The following NOL4L variants were observed in gnomAD, a reference collection of about 807,000 sequenced individuals.
NOL4L encodes the protein nucleolar protein 4 like.
In NOL4L, 7 loss-of-function variants were observed where a neutral mutation model predicts 64.5. That is an observed-to-expected ratio of 0.11 (90% CI 0.06 to 0.20). The LOEUF is 0.20. NOL4L is among the 10% of genes least tolerant of loss of function. NOL4L has a pLI of 1.00. For missense variants in NOL4L, 680 were observed against 967.1 expected, an observed-to-expected ratio of 0.70 and a Z score of 3.94; for synonymous variants, 413 against 401.0, an observed-to-expected ratio of 1.03 and a Z score of -0.36.
At position 32,453,272 on chromosome 20, in the gene NOL4L, G is replaced by A. The variant is rs774385500; in HGVS notation, c.1497+32C>T. On this transcript the variant is annotated intron_variant, in intron 8 of 10. Transcript: ENST00000621426. This position sits in a 1 kb window ranked among gnomAD's most constrained non-coding sequence, Gnocchi z 5.6. The stretch of plus-strand genomic sequence containing the variant: ...GGCAGGAGGTCAGTAGTGGCACCGA[G>A]GGAAAGTGTGGGCCAGGCAGGGGGG... 8.7e-6 allele frequency: 14 copies of A among 1,603,050 alleles called. No individual in the cohort carries two copies. In the African/African-American group the frequency reaches 1.9e-4, roughly 21 times the overall value.
At position 32,485,855 on chromosome 20, in the gene NOL4L, A is replaced by T. The variant is rs1289182832; in HGVS notation, c.700-11113T>A. The T allele has an allele frequency of 6.8e-6, 3 of 442,972 alleles. No individual in the cohort carries two copies. In the East Asian group the frequency reaches 2.2e-4, roughly 32 times the overall value. The allele number at this position is 442,972 out of a possible 1,614,324, so 27.4% of individuals were successfully genotyped here. A position where few individuals can be genotyped will look rare whatever the true frequency, so the allele number is the denominator to read the frequency against. Reference sequence around the variant, plus strand: ...TTCTCCTGGCCTGAATTACTATTTCACAGCAGTGGTGGACATCTGAGCTTG... The same window carrying T: ...TTCTCCTGGCCTGAATTACTATTTCTCAGCAGTGGTGGACATCTGAGCTTG... On this transcript the variant is annotated intron_variant, in intron 4 of 10. Transcript: ENST00000621426.
intron 4 of NOL4L, among the ~76,000 whole-genome samples, chr20:32,499,385 G>A (rs293555): frequency 0.19 from 29,281 of 151,940 alleles, 5,462 homozygotes; most frequent in African/African-American, 0.49. Flanking sequence ...CAGATCAGTG[G>A]TGCTGCTGCA....
chr20:32,483,443 A>AGCTGCT lies in NOL4L; in HGVS notation c.700-8707_700-8702dup, dbSNP rs911879376. On this transcript the variant is annotated intron_variant, in intron 4 of 10. Coordinates refer to ENST00000621426, the MANE Select transcript of NOL4L (RefSeq NM_001256798.2). ...GCGGCGGTGACAGCCCCACAGCTCC[A>AGCTGCT]GCTGCTGCTGCTGCTGCTGCCGCCG... is the stretch of plus-strand genomic sequence containing the variant. 6.3e-5 allele frequency: 62 copies of AGCTGCT among 990,618 alleles called. 1 individual carries two copies. In the East Asian group the frequency reaches 2.3e-3, roughly 37 times the overall value. The allele number at this position is 990,618 out of a possible 1,614,324, so 61.4% of individuals were successfully genotyped here.
At chr20:32,521,995 T>C (rs1005329163) in intron 2 of NOL4L, among the ~76,000 whole-genome samples, 3 of 152,264 alleles carry the variant, frequency 2.0e-5, no homozygotes, top group African/African-American at 7.2e-5. Context: ...TGGCCCCGCC[T>C]TCCCACAGCA....
intron 4 of NOL4L, chr20:32,483,381 G>C: frequency 1.0e-6 from 1 of 985,016 alleles, no homozygotes; most frequent in Non-Finnish European, 1.2e-6. Context: ...AAGCGAGGCG[G>C]AGATGGGCGG....
intron 1 of NOL4L, among the ~76,000 whole-genome samples, chr20:32,576,533 G>A (rs1375198547): frequency 2.0e-5 from 3 of 152,288 alleles, no homozygotes; most frequent in Admixed American, 6.5e-5. Context: ...CTCACACTCA[G>A]CTCTGGAGCT....
intron 1 of NOL4L, among the ~76,000 whole-genome samples, chr20:32,542,222 A>G (rs1375710064): frequency 6.6e-6 from 1 of 152,238 alleles, no homozygotes; most frequent in Non-Finnish European, 1.5e-5. Flanking sequence ...CGGGGGCACC[A>G]AGACAATGAG....
In NOL4L at chr20:32,511,338, C is replaced by A; in HGVS notation, c.699+9G>T. 1.3e-6 allele frequency: 2 copies of A among 1,540,930 alleles called. No homozygotes were observed. The highest frequency in any genetic ancestry group is 1.8e-6 in the Non-Finnish European group (2 of 1,138,912). On this transcript the variant is annotated intron_variant, in intron 4 of 10. Coordinates refer to ENST00000621426, the MANE Select transcript of NOL4L (RefSeq NM_001256798.2). ...CTCCAGGTGGGGTGAGGGGAGACGG[C>A]CGCCTTACCTGCTCCTGGGAATTCA...
At chr20:32,573,257 T>C (rs1019338763) in intron 1 of NOL4L, among the ~76,000 whole-genome samples, 4 of 152,106 alleles carry the variant, frequency 2.6e-5, no homozygotes, top group Admixed American at 2.6e-4. Flanking sequence ...GCTCAAGTAA[T>C]CCTCACACTT....
rs111799140 is a variant in NOL4L at position 32,490,104 on chromosome 20, G to C, written c.700-15362C>G. Among the ~76,000 whole-genome samples the C allele has an allele frequency of 7.8e-3, 1,002 of 128,700 alleles. 20 individuals are homozygous for C. The highest frequency in any genetic ancestry group is 0.028 in the African/African-American group (940 of 33,812). 84.4% of individuals were successfully genotyped at this position (128,700 alleles called of 152,430 possible). On this transcript the variant is annotated intron_variant, in intron 4 of 10. Coordinates refer to ENST00000621426, the MANE Select transcript of NOL4L (RefSeq NM_001256798.2). ...GGATCATGCCACTGCACTCCAGCCT[G>C]GGTGACAGAGAGAGACTCCATCTCA...
chr20:32,546,445 A>G (rs531238056), intron 1 of NOL4L, among the ~76,000 whole-genome samples: 91 of 151,358 alleles, frequency 6.0e-4, no homozygotes, highest in Admixed American at 2.7e-3. Context: ...CCATGTTTTT[A>G]TTTATTTATT....
chr20:32,581,196 C>T (rs1224535447), intron 1 of NOL4L, among the ~76,000 whole-genome samples: 1 of 152,202 alleles, frequency 6.6e-6, no homozygotes, highest in Non-Finnish European at 1.5e-5. Context: ...CTTCTACTTC[C>T]TGTGACAACC....
chr20:32,526,364 G>A (rs570835619), intron 2 of NOL4L, among the ~76,000 whole-genome samples: 3 of 152,206 alleles, frequency 2.0e-5, no homozygotes, highest in East Asian at 1.9e-4. Flanking sequence ...CAGGAGGGGC[G>A]GGGAGACCAT....
chr20:32,557,951 G>A, intron 1 of NOL4L, among the ~76,000 whole-genome samples: 1 of 152,136 alleles, frequency 6.6e-6, no homozygotes, highest in East Asian at 1.9e-4. Flanking sequence ...TGTAATCCCA[G>A]CTACTTGGGA....
intron 1 of NOL4L, among the ~76,000 whole-genome samples, chr20:32,541,466 C>T (rs1313572602): frequency 6.6e-6 from 1 of 152,244 alleles, no homozygotes; most frequent in Non-Finnish European, 1.5e-5. Context: ...GTAGTGTGGA[C>T]ATGAGCCAAG....
intron 4 of NOL4L, among the ~76,000 whole-genome samples, chr20:32,484,165 T>C (rs1410427339): frequency 6.6e-6 from 1 of 152,086 alleles, no homozygotes; most frequent in Admixed American, 6.5e-5. Context: ...TCGGGCAGCC[T>C]TCGACCCCCA....
intron 4 of NOL4L, among the ~76,000 whole-genome samples, chr20:32,492,450 A>T (rs1418663594): frequency 1.3e-5 from 2 of 152,240 alleles, no homozygotes; most frequent in Non-Finnish European, 2.9e-5. Context: ...AAGGGTCTTT[A>T]GGGTGGTGCT....
At chr20:32,552,241 T>C (rs1978343525) in intron 1 of NOL4L, among the ~76,000 whole-genome samples, 1 of 152,110 alleles carries the variant, frequency 6.6e-6, no homozygotes, top group South Asian at 2.1e-4. Context: ...CATATGTGCA[T>C]ATATATGTAT....
intron 3 of NOL4L, among the ~76,000 whole-genome samples, chr20:32,512,628 T>C (rs1600798425): frequency 6.6e-6 from 1 of 152,238 alleles, no homozygotes; most frequent in Non-Finnish European, 1.5e-5. Flanking sequence ...ATTTTTTCCC[T>C]GTGATTTTTC....
Sources: allele counts gnomAD v4.1 joint callset (sites outside exome capture counted in the v4.1 genomes callset), GRCh38; gene constraint gnomAD v4.1.1; non-coding constraint Gnocchi (gnomAD v3.1); transcripts MANE v1.5; gene names NCBI Gene and HGNC (gene_info 2026-07-23, HGNC 2026-07-21).